SYNE1: variants seen among roughly 807,000 people sequenced by gnomAD.
SYNE1 encodes nesprin-1.
In SYNE1, 616 loss-of-function variants were observed where a neutral mutation model predicts 1,111.0. That is an observed-to-expected ratio of 0.55 (90% confidence interval 0.52 to 0.59). SYNE1 has a LOEUF of 0.59. Among genes scored for constraint, SYNE1 ranks in the 20% least tolerant of loss-of-function variants. The probability of loss-of-function intolerance (pLI) is 0.00; values close to 1 mark genes in which losing one functional copy is unlikely to be tolerated. For synonymous variants in SYNE1, 3,855 were observed against 3,825.8 expected (o/e 1.01, Z -0.28); for missense variants, 10,006 against 10,417.0 (o/e 0.96, Z 1.72).
Position 152,230,718 on chromosome 6 carries a change from A to T in SYNE1, c.21040-16T>A. The T allele has an allele frequency of 6.2e-7, 1 of 1,613,388 alleles. No individual in the cohort carries two copies. The highest frequency in any genetic ancestry group is 8.5e-7 in the Non-Finnish European group (1 of 1,179,636). On this transcript the variant is annotated splice_polypyrimidine_tract_variant and intron_variant, in intron 114 of 145. Transcript: ENST00000367255. ...ACAGCTGGATCTGAACAAACACAAT[A>T]AAATGAAATTTGCAACTTTATTTTA...
intron 12 of SYNE1, among the ~76,000 whole-genome samples, chr6:152,486,843 C>A (rs2098943467): frequency 6.6e-6 from 1 of 152,128 alleles, no homozygotes; most frequent in African/African-American, 2.4e-5. Context: ...ATAGATAAAT[C>A]TTTTGTCTAC....
In SYNE1 at chr6:152,330,055, G is replaced by A; in HGVS notation, c.14630C>T (p.Thr4877Ile). 6.2e-7 allele frequency: 1 copy of A among 1,614,136 alleles called. No homozygotes were observed. Among genetic ancestry groups the A allele is most frequent in the Non-Finnish European group, 8.5e-7 (1 of 1,180,016 alleles). The part of the protein sequence containing the change: ...LLTSAIGETV[T>I]ECESRMVQSI... ...CTGCACCATTCGGCTCTCACATTCT[G>A]TCACCGTCTCACCAATGGCAGAAGT... The change falls in exon 78 of 146, where the codon ACA becomes ATA. Residue 4877 changes from threonine to isoleucine, a missense_variant. Thr to Ile is a moderately conservative substitution (Grantham distance 89, BLOSUM62 -1). This residue lies in a region of SYNE1 where 4,955 missense variants were observed against 5,017.2 expected (regional missense o/e 0.99). Coordinates refer to ENST00000367255, the MANE Select transcript of SYNE1 (RefSeq NM_182961.4).
chr6:152,428,477 A>C, intron 36 of SYNE1, 85 bp from the exon 37 acceptor site: 2 of 1,340,700 alleles, frequency 1.5e-6, no homozygotes, highest in Non-Finnish European at 2.1e-6. Flanking sequence ...ATCGCAAAAT[A>C]TTTTCCCTCA....
chr6:152,477,114 A>C (rs1391676611), intron 14 of SYNE1, among the ~76,000 whole-genome samples: 3 of 152,222 alleles, frequency 2.0e-5, no homozygotes, highest in Admixed American at 6.5e-5. Flanking sequence ...GAAAGTATGC[A>C]TTATCAATAT....
chr6:152,589,095 C>T (rs1425020278), intron 3 of SYNE1, among the ~76,000 whole-genome samples: 4 of 151,886 alleles, frequency 2.6e-5, no homozygotes, highest in African/African-American at 9.7e-5. Context: ...TTAGTAGAGA[C>T]GGGATTTTAC....
chr6:152,241,536 C>T (rs376773092), intron 107 of SYNE1, among the ~76,000 whole-genome samples: 48 of 7,796 alleles, frequency 6.2e-3, no homozygotes, highest in Middle Eastern at 0.071. Flanking sequence ...GTGTGAAATA[C>T]GCATTCTTCT....
intron 3 of SYNE1, among the ~76,000 whole-genome samples, chr6:152,584,266 GAGAC>G (rs1007746871): frequency 6.6e-6 from 1 of 151,698 alleles, no homozygotes; most frequent in African/African-American, 2.4e-5. Flanking sequence ...GAGAGAGAGA[GAGAC>G]AGAGAGAAAG....
chr6:152,559,486 GA>G (rs1430972724), intron 3 of SYNE1, among the ~76,000 whole-genome samples: 1 of 151,952 alleles, frequency 6.6e-6, no homozygotes, highest in Non-Finnish European at 1.5e-5. Context: ...GTAATATGAA[GA>G]AAATTTGAAA....
chr6:152,150,170 T>C (rs577149223), intron 135 of SYNE1, among the ~76,000 whole-genome samples: 1 of 152,330 alleles, frequency 6.6e-6, no homozygotes, highest in Non-Finnish European at 1.5e-5. Flanking sequence ...TTTCAGAACA[T>C]AGGCAGGTAA....
intron 39 of SYNE1, among the ~76,000 whole-genome samples, chr6:152,422,531 ATCAC>A (rs2098280814): frequency 6.6e-6 from 1 of 151,736 alleles, no homozygotes; most frequent in Non-Finnish European, 1.5e-5. Flanking sequence ...GAGACAAAGT[ATCAC>A]TCTGTTACCC....
At chr6:152,180,644 G>T (rs1487718992) in intron 128 of SYNE1, among the ~76,000 whole-genome samples, 1 of 150,522 alleles carries the variant, frequency 6.6e-6, no homozygotes, top group Non-Finnish European at 1.5e-5. Context: ...AAAGGAAAGA[G>T]AGATGGTAAA....
intron 55 of SYNE1, among the ~76,000 whole-genome samples, chr6:152,382,216 C>T (rs576529941): frequency 6.6e-6 from 1 of 152,168 alleles, no homozygotes; most frequent in East Asian, 1.9e-4. Context: ...ATATCTATTG[C>T]TAAAGGCAGG....
At chr6:152,557,407 AT>A (rs1310779950) in intron 3 of SYNE1, among the ~76,000 whole-genome samples, 1 of 152,166 alleles carries the variant, frequency 6.6e-6, no homozygotes, top group Non-Finnish European at 1.5e-5. Context: ...TTTAAAAAAA[AT>A]AATGTTAGAA....
At chr6:152,124,098 C>A (rs530131313) in intron 145 of SYNE1, among the ~76,000 whole-genome samples, 5 of 152,072 alleles carry the variant, frequency 3.3e-5, no homozygotes, top group Admixed American at 2.6e-4. Context: ...CTGAGGTTGG[C>A]GGATCACTTG....
chr6:152,297,799 G>A (rs1220923446), intron 93 of SYNE1, among the ~76,000 whole-genome samples: 1 of 96,234 alleles, frequency 1.0e-5, no homozygotes, highest in East Asian at 2.4e-4. Flanking sequence ...GTGTGTGTGT[G>A]TGTGTGTGTG....
At chr6:152,550,201 G>T (rs187916206) in intron 3 of SYNE1, among the ~76,000 whole-genome samples, 17 of 152,194 alleles carry the variant, frequency 1.1e-4, no homozygotes, top group Admixed American at 1.1e-3. Flanking sequence ...TTTCCAATAT[G>T]AATTAAAGTA....
chr6:152,255,651 A>G lies in SYNE1; in HGVS notation c.19200T>C (p.Arg6400=). ...TSTWLDDVEE[R]LFVATALLPE... ...GTAAAAGTGCTGTGGCAACAAATAA[A>G]CGTTCTTCAACGTCATCCAACCAAG... The change falls in exon 103 of 146, where the codon CGT becomes CGC. Residue 6400 remains arginine, a synonymous_variant. Coordinates refer to ENST00000367255, the MANE Select transcript of SYNE1 (RefSeq NM_182961.4). 1.2e-6 allele frequency: 2 copies of G among 1,614,198 alleles called. No homozygotes were observed. The highest frequency in any genetic ancestry group is 1.7e-6 in the Non-Finnish European group (2 of 1,180,042).
chr6:152,465,204 C>T lies in SYNE1; in HGVS notation c.1932+54G>A, dbSNP rs958692462. ...CCCTAGTGAGCTACGCTGTAAAAGT[C>T]TCTCATTTTTACATACATCAAACGT... On this transcript the variant is annotated intron_variant, in intron 18 of 145. Coordinates refer to ENST00000367255, the MANE Select transcript of SYNE1 (RefSeq NM_182961.4). The T allele has an allele frequency of 3.0e-5, 47 of 1,573,138 alleles. No homozygotes were observed. The Admixed American group carries it at 4.7e-4, about 16-fold the overall frequency.
At chr6:152,567,773 T>A (rs1385562783) in intron 3 of SYNE1, among the ~76,000 whole-genome samples, 1 of 152,158 alleles carries the variant, frequency 6.6e-6, no homozygotes, top group Non-Finnish European at 1.5e-5. Context: ...GACTTCCTCA[T>A]GTAGAAAATC....
Sources: gnomAD v4.1 joint callset for allele counts (sites outside exome capture counted in the v4.1 genomes callset) on GRCh38, gnomAD v4.1.1 for gene constraint, gnomAD v4.1.1 regional missense constraint, MANE v1.5 for transcripts, NCBI Gene and HGNC (gene_info 2026-07-23, HGNC 2026-07-21) for gene names.